CLASP1: variants seen among roughly 807,000 people sequenced by gnomAD.
The protein encoded by CLASP1 is cytoplasmic linker associated protein 1, also known as CLIP-associating protein 1.
A neutral mutation model predicts 192.3 loss-of-function variants in CLASP1; 38 were observed. The observed-to-expected ratio is 0.20, with a 90% confidence interval of 0.15 to 0.26. The LOEUF (loss-of-function observed/expected upper bound fraction) is 0.26. CLASP1 is among the 10% of genes least tolerant of loss of function. CLASP1 has a pLI of 1.00. For missense variants in CLASP1, 1,433 were observed against 1,932.5 expected, an observed-to-expected ratio of 0.74 and a Z score of 4.85; for synonymous variants, 691 against 712.8, an observed-to-expected ratio of 0.97 and a Z score of 0.49.
At chr2:121,563,233 T>A (rs1377284280) in intron 2 of CLASP1, among the ~76,000 whole-genome samples, 1 of 152,196 alleles carries the variant, frequency 6.6e-6, no homozygotes, top group Admixed American at 6.5e-5. Context: ...TTTTCTCCAC[T>A]TTTTTCATAG....
At chr2:121,453,794 T>C (rs961531634) in intron 14 of CLASP1, among the ~76,000 whole-genome samples, 2 of 152,190 alleles carry the variant, frequency 1.3e-5, no homozygotes, top group Non-Finnish European at 2.9e-5. Context: ...AATGTCAGAG[T>C]GTGTGTAATC....
intron 2 of CLASP1, among the ~76,000 whole-genome samples, chr2:121,593,719 T>A (rs56011508): frequency 0.24 from 34,628 of 147,054 alleles, 5,935 homozygotes; most frequent in African/African-American, 0.5. Context: ...ATTAAAAAAA[T>A]TTTTTTTTCG....
chr2:121,490,581 CT>C (rs531415810), intron 8 of CLASP1, among the ~76,000 whole-genome samples: 136 of 152,246 alleles, frequency 8.9e-4, no homozygotes, highest in African/African-American at 3.1e-3. Context: ...GTTCTTCCCC[CT>C]CAAGAAAAAG....
chr2:121,347,981 G>A (rs2063678838), intron 38 of CLASP1, among the ~76,000 whole-genome samples: 1 of 123,718 alleles, frequency 8.1e-6, no homozygotes, highest in African/African-American at 3.2e-5. Flanking sequence ...CTTCTCTACT[G>A]TCATGTAGCC....
intron 1 of CLASP1, among the ~76,000 whole-genome samples, chr2:121,632,615 C>G (rs1010510543): frequency 6.6e-6 from 1 of 151,804 alleles, no homozygotes; most frequent in Non-Finnish European, 1.5e-5. Context: ...AAGTAAAATG[C>G]GCTGGACGCG....
At chr2:121,623,287 G>T (rs1349409637) in intron 1 of CLASP1, among the ~76,000 whole-genome samples, 1 of 152,118 alleles carries the variant, frequency 6.6e-6, no homozygotes, top group Non-Finnish European at 1.5e-5. Context: ...TGCCACTATT[G>T]AGATGATCAT....
intron 1 of CLASP1, among the ~76,000 whole-genome samples, chr2:121,625,554 C>A (rs1559804799): frequency 6.6e-6 from 1 of 151,394 alleles, no homozygotes; most frequent in Non-Finnish European, 1.5e-5. Flanking sequence ...CCTGCCTCAG[C>A]CTCCCAAGTA....
chr2:121,545,811 T>C (rs1378743579), intron 2 of CLASP1, among the ~76,000 whole-genome samples: 1 of 152,034 alleles, frequency 6.6e-6, no homozygotes, highest in Non-Finnish European at 1.5e-5. Flanking sequence ...TGTTACCCAA[T>C]TGATCAAAAG....
rs765489022 is a variant in CLASP1 at position 121,444,920 on chromosome 2, A to G, written c.1912+2417T>C. The G allele has an allele frequency of 2.2e-6, 3 of 1,352,182 alleles. No individual in the cohort carries two copies. In the Admixed American group the frequency reaches 5.9e-5, roughly 26 times the overall value. 83.8% of individuals were successfully genotyped at this position (1,352,182 alleles called of 1,614,324 possible). A position where few individuals can be genotyped will look rare whatever the true frequency, so the allele number is the denominator to read the frequency against. On this transcript the variant is annotated intron_variant, in intron 19 of 39. Coordinates refer to ENST00000263710, the Ensembl canonical transcript of CLASP1. ...AGAGAAAGTGAGACACACCTCAATC[A>G]CAGAAACAAACCGCTTACCCTCCGC...
intron 30 of CLASP1, among the ~76,000 whole-genome samples, chr2:121,396,766 T>C (rs1233373553): frequency 6.6e-6 from 1 of 152,244 alleles, no homozygotes; most frequent in African/African-American, 2.4e-5. Context: ...TATCAAACTT[T>C]TCAACCACAT....
At chr2:121,407,709 G>C in exon 25 of CLASP1, 2 of 1,613,848 alleles carry the variant, frequency 1.2e-6, no homozygotes, top group Admixed American at 3.3e-5. Flanking sequence ...CTCCTCACAG[G>C]CTTCTTCTGA....
At chr2:121,513,167 G>C (rs1251896373) in intron 7 of CLASP1, 1 of 152,174 alleles carries the variant, frequency 6.6e-6, no homozygotes, top group Non-Finnish European at 1.5e-5. Flanking sequence ...CTAGATCTTA[G>C]GTAACTGTCT....
At chr2:121,504,835 T>C (rs1480098579) in intron 7 of CLASP1, 1 of 152,224 alleles carries the variant, frequency 6.6e-6, no homozygotes, top group Admixed American at 6.5e-5. Flanking sequence ...TTCTCAAAAC[T>C]ATTCCAGGCA....
At chr2:121,582,269 A>AGGAAAG (rs1260457517) in intron 2 of CLASP1, among the ~76,000 whole-genome samples, 8 of 150,558 alleles carry the variant, frequency 5.3e-5, no homozygotes, top group African/African-American at 2.0e-4. Flanking sequence ...AGAACAGGAC[A>AGGAAAG]GGAAAGGGAG....
intron 1 of CLASP1, among the ~76,000 whole-genome samples, chr2:121,613,818 C>G (rs2066010003): frequency 6.6e-6 from 1 of 152,296 alleles, no homozygotes; most frequent in South Asian, 2.1e-4. Flanking sequence ...ACCATTTATA[C>G]TTAGTAGCTT....
chr2:121,584,096 T>C (rs2061480182), intron 2 of CLASP1, among the ~76,000 whole-genome samples: 2 of 152,098 alleles, frequency 1.3e-5, no homozygotes, highest in Admixed American at 1.3e-4. Flanking sequence ...GCTCCAGAAC[T>C]GTAAGAAATA....
At chr2:121,589,939 C>T (rs1245773392) in intron 2 of CLASP1, among the ~76,000 whole-genome samples, 1 of 152,118 alleles carries the variant, frequency 6.6e-6, no homozygotes, top group Non-Finnish European at 1.5e-5. Context: ...CCTCCTCCTT[C>T]ATATAGGCAT....
intron 2 of CLASP1, among the ~76,000 whole-genome samples, chr2:121,566,618 A>C (rs1299034251): frequency 6.6e-6 from 1 of 152,218 alleles, no homozygotes; most frequent in Non-Finnish European, 1.5e-5. Flanking sequence ...TTTATTGAGG[A>C]TTTACTGTGT....
At chr2:121,352,248 C>CT (rs1187253198) in intron 37 of CLASP1, among the ~76,000 whole-genome samples, 1 of 152,252 alleles carries the variant, frequency 6.6e-6, no homozygotes, top group Non-Finnish European at 1.5e-5. Flanking sequence ...CACAGCCGGC[C>CT]TGCCCTGCCT....
Sources: gnomAD v4.1 joint callset for allele counts (sites outside exome capture counted in the v4.1 genomes callset) on GRCh38, gnomAD v4.1.1 for gene constraint, MANE v1.5 for transcripts, NCBI Gene and HGNC (gene_info 2026-07-23, HGNC 2026-07-21) for gene names.